The following BTNL9 variants were observed in gnomAD, a reference collection of about 807,000 sequenced individuals.
The protein encoded by BTNL9 is butyrophilin-like protein 9.
A neutral mutation model predicts 45.8 loss-of-function variants in BTNL9; 45 were observed. The observed-to-expected ratio is 0.98, with a 90% CI of 0.77 to 1.26. The LOEUF (loss-of-function observed/expected upper bound fraction) is 1.26. BTNL9 is among the 50% of genes most tolerant of loss of function. BTNL9 has a pLI of 0.00. For missense variants in BTNL9, 784 were observed against 729.7 expected, an observed-to-expected ratio of 1.07 and a Z score of -0.86; for synonymous variants, 346 against 330.8, an observed-to-expected ratio of 1.05 and a Z score of -0.50.
At position 181,055,045 on chromosome 5, in the gene BTNL9, G is replaced by A; in HGVS notation, c.908-388G>A. The A allele has an allele frequency of 4.1e-6, 4 of 985,408 alleles. No individual in the cohort carries two copies. Among genetic ancestry groups the A allele is most frequent in the Non-Finnish European group, 3.6e-6 (3 of 829,920 alleles). 61.0% of individuals were successfully genotyped at this position (985,408 alleles called of 1,614,324 possible). ...ATGTCCTTCCAGTCCTTCAGATAAC[G>A]CACCCGGTGAGTGACCGTGAGGCTC... On this transcript the variant is annotated intron_variant, in intron 7 of 10. Transcript: ENST00000327705. The surrounding 1 kb of genome is among the most constrained non-coding windows in gnomAD (Gnocchi z 4.4).
rs751896295 is a variant in BTNL9 at position 181,058,330 on chromosome 5, C to T, written c.956-22C>T. 2.5e-6 allele frequency: 4 copies of T among 1,613,966 alleles called. No individual in the cohort carries two copies. The East Asian group carries it at 8.9e-5, about 36-fold the overall frequency. On this transcript the variant is annotated intron_variant, in intron 9 of 10. Transcript: ENST00000327705. ...CTGACTGAGATTTCTGAGCTTTTTT[C>T]CCCTTTTCTGTTTGGTTTCAGAGTG... is the stretch of plus-strand genomic sequence containing the variant.
At chr5:181,045,623 C>T (rs749408906) in intron 2 of BTNL9, 25 bp downstream of exon 2, 2 of 1,577,924 alleles carry the variant, frequency 1.3e-6, no homozygotes, top group Admixed American at 1.7e-5. Flanking sequence ...GCCTAGCTGG[C>T]CAGGATGTGA....
chr5:181,058,529 C>A, intron 10 of BTNL9, 151 bp downstream of exon 10: 1 of 1,010,210 alleles, frequency 9.9e-7, no homozygotes, highest in Non-Finnish European at 1.6e-6. Context: ...CTTGCAAACA[C>A]GCCACACGAC....
chr5:181,047,598 T>C, intron 2 of BTNL9: 1 of 796,788 alleles, frequency 1.3e-6, no homozygotes, highest in Non-Finnish European at 1.6e-6. Flanking sequence ...CACTTGCTTT[T>C]TTGATCAAAG....
chr5:181,047,204 ACT>A (rs1392191714), intron 2 of BTNL9, among the ~76,000 whole-genome samples: 4 of 152,182 alleles, frequency 2.6e-5, no homozygotes, highest in African/African-American at 9.6e-5. Context: ...AGGAGCAGCA[ACT>A]CTCATGGGAA....
At chr5:181,045,321 G>C in intron 1 of BTNL9, 146 bp from the exon 2 acceptor site, 1 of 574,104 alleles carries the variant, frequency 1.7e-6, no homozygotes, top group South Asian at 2.0e-5. Flanking sequence ...CTCTGGCCAT[G>C]GAAGAAGCCA....
chr5:181,055,349 G>C lies in BTNL9; in HGVS notation c.908-84G>C. The stretch of plus-strand genomic sequence containing the variant: ...GTGATTAGCAGTGGCTTAAGACTAA[G>C]GAAGCTCTTCCCAGTGGCCTGTCTT... On this transcript the variant is annotated intron_variant, in intron 7 of 10. Transcript: ENST00000327705. The surrounding 1 kb of genome is among the most constrained non-coding windows in gnomAD (Gnocchi z 4.4). The C allele has an allele frequency of 6.2e-7, 1 of 1,611,500 alleles. No individual in the cohort carries two copies. Among genetic ancestry groups the C allele is most frequent in the Non-Finnish European group, 8.5e-7 (1 of 1,179,126 alleles).
At chr5:181,040,549 G>A (rs899350568) in intron 1 of BTNL9, 117 bp downstream of exon 1, 1 of 152,206 alleles carries the variant, frequency 6.6e-6, no homozygotes, top group Non-Finnish European at 1.5e-5. Flanking sequence ...TTTATTATCC[G>A]AGCTTGGCCG....
chr5:181,053,691 G>A lies in BTNL9; in HGVS notation c.886+190G>A. ...TCATATGGACAAAAGCGGAGGTGCG[G>A]AACGGCTGCATTTTCCACGGAGGCT... On this transcript the variant is annotated intron_variant, in intron 6 of 10. Coordinates refer to ENST00000327705, the MANE Select transcript of BTNL9 (RefSeq NM_152547.5). The surrounding 1 kb of genome is among the most constrained non-coding windows in gnomAD (Gnocchi z 6.5). The A allele has an allele frequency of 2.0e-6, 3 of 1,514,582 alleles. No individual in the cohort carries two copies. The South Asian group carries it at 3.9e-5, about 20-fold the overall frequency. The allele number at this position is 1,514,582 out of a possible 1,614,324, so 93.8% of individuals were successfully genotyped here.
chr5:181,058,903 A>G (rs1476678486), intron 10 of BTNL9, among the ~76,000 whole-genome samples: 1 of 151,286 alleles, frequency 6.6e-6, no homozygotes, highest in African/African-American at 2.4e-5. Flanking sequence ...TGGTGCCACC[A>G]GCAGGAACTA....
In BTNL9 at chr5:181,053,880, AG is replaced by A; in HGVS notation, c.887-356del. ...GGGCGGATGCGCAACATCTCCGCAC[AG>A]GGTCAGGAAGCGGCGGTCAGGCACC... On this transcript the variant is annotated intron_variant, in intron 6 of 10. Transcript: ENST00000327705. This position sits in a 1 kb window ranked among gnomAD's most constrained non-coding sequence, Gnocchi z 6.5. 6.6e-7 allele frequency: 1 copy of A among 1,503,912 alleles called. No individual in the cohort carries two copies. The highest frequency in any genetic ancestry group is 8.9e-7 in the Non-Finnish European group (1 of 1,126,576). 93.2% of individuals were successfully genotyped at this position (1,503,912 alleles called of 1,614,324 possible).
Position 181,053,652 on chromosome 5 carries a change from AG to A in BTNL9, c.886+156del. ...CGGGGATCGGTGACCCCGGTGGGGA[AG>A]GGGGAAGATCGTTCATATGGACAAA... On this transcript the variant is annotated intron_variant, in intron 6 of 10. Coordinates refer to ENST00000327705, the MANE Select transcript of BTNL9 (RefSeq NM_152547.5). The surrounding 1 kb of genome is among the most constrained non-coding windows in gnomAD (Gnocchi z 6.5). The A allele has an allele frequency of 6.5e-7, 1 of 1,538,518 alleles. No individual in the cohort carries two copies. Among genetic ancestry groups the A allele is most frequent in the Non-Finnish European group, 8.8e-7 (1 of 1,140,242 alleles).
At chr5:181,049,001 G>C (rs1337318541) in intron 3 of BTNL9, among the ~76,000 whole-genome samples, 1 of 147,840 alleles carries the variant, frequency 6.8e-6, no homozygotes, top group African/African-American at 2.5e-5. Context: ...GCAAATCAAA[G>C]CTATGTCAAA....
At chr5:181,043,200 GTGTC>G (rs1487385431) in intron 1 of BTNL9, among the ~76,000 whole-genome samples, 2 of 151,748 alleles carry the variant, frequency 1.3e-5, no homozygotes, top group African/African-American at 2.4e-5. Context: ...GTGTGTGTAT[GTGTC>G]TGTGTGTGTG....
chr5:181,054,054 G>C, intron 6 of BTNL9, 185 bp from the exon 7 acceptor site: 1 of 1,545,286 alleles, frequency 6.5e-7, no homozygotes, highest in Non-Finnish European at 8.7e-7. Context: ...AGCCAAGGGT[G>C]CGCACTTCCC....
intron 3 of BTNL9, among the ~76,000 whole-genome samples, chr5:181,049,132 G>T (rs75778860): frequency 6.6e-6 from 1 of 151,762 alleles, no homozygotes; most frequent in Non-Finnish European, 1.5e-5. Flanking sequence ...AAGTTGGAAA[G>T]CTCCCGGACA....
intron 9 of BTNL9, among the ~76,000 whole-genome samples, chr5:181,057,806 A>C (rs1368890813): frequency 1.3e-5 from 2 of 152,212 alleles, no homozygotes; most frequent in Non-Finnish European, 2.9e-5. Context: ...CCTTGCTGTA[A>C]ATATCTGGAG....
rs190336893 is a variant in BTNL9 at position 181,041,096 on chromosome 5, A to G, written c.-24+664A>G. On this transcript the variant is annotated intron_variant, in intron 1 of 10. Transcript: ENST00000327705. Reference sequence around the variant, plus strand: ...AAGAGACATGGCATTTATTAATAACATGGATTTTCCTGCCAGGTTTCATAA... The same window carrying G: ...AAGAGACATGGCATTTATTAATAACGTGGATTTTCCTGCCAGGTTTCATAA... Among the ~76,000 whole-genome samples, 36 of 152,320 alleles carry G rather than the reference A, an allele frequency of 2.4e-4. No individual in the cohort carries two copies. In the East Asian group the frequency reaches 6.8e-3, roughly 29 times the overall value.
chr5:181,057,259 T>C (rs1168692823), intron 9 of BTNL9: 1 of 152,222 alleles, frequency 6.6e-6, no homozygotes, highest in Non-Finnish European at 1.5e-5. Context: ...TTCTTCTATT[T>C]TTTTTTTCTT....
Sources: gnomAD v4.1 joint callset for allele counts (sites outside exome capture counted in the v4.1 genomes callset) on GRCh38, gnomAD v4.1.1 for gene constraint, Gnocchi (gnomAD v3.1) non-coding constraint, MANE v1.5 for transcripts, NCBI Gene and HGNC (gene_info 2026-07-23, HGNC 2026-07-21) for gene names.